Variants in FAS observed in about 807,000 individuals in gnomAD.
FAS encodes the protein Fas cell surface death receptor.
Under a neutral mutation model 33.2 loss-of-function variants are expected in FAS, and 5 were observed. The ratio of observed to expected loss-of-function variants is 0.15; its 90% confidence interval spans 0.08 to 0.32. FAS has a LOEUF of 0.32. Ranked by LOEUF, FAS falls within the 10% of genes least tolerant of loss-of-function variation. The probability of loss-of-function intolerance (pLI) is 1.00; values close to 1 mark genes in which losing one functional copy is unlikely to be tolerated. For synonymous variants in FAS, 131 were observed against 130.7 expected (o/e 1.00, Z -0.01); for missense variants, 339 against 386.0 (o/e 0.88, Z 1.02).
chr10:89,002,446 A>T (rs1847981137), intron 1 of FAS: 1 of 162,572 alleles, frequency 6.2e-6, no homozygotes, highest in Admixed American at 5.8e-5. Context: ...CCCGTAGGGG[A>T]CTCTCTCTCT....
intron 1 of FAS, chr10:88,973,068 A>T: frequency 8.3e-7 from 1 of 1,198,964 alleles, no homozygotes; most frequent in Non-Finnish European, 1.1e-6. Flanking sequence ...CCTTGTAAGT[A>T]CTTAGTCTTT....
At chr10:88,991,199 C>A (rs1047934457) in intron 1 of FAS, 1 of 560,960 alleles carries the variant, frequency 1.8e-6, no homozygotes, top group East Asian at 3.0e-5. Context: ...GAGACCACTG[C>A]GCTCCACGTT....
intron 8 of FAS, among the ~76,000 whole-genome samples, 159 bp downstream of exon 8, chr10:89,013,526 T>C (rs1848634505): frequency 6.6e-6 from 1 of 152,184 alleles, no homozygotes; most frequent in Non-Finnish European, 1.5e-5. Context: ...TATCAGGCAG[T>C]TTGTTTAAAT....
chr10:89,015,294 C>A lies in FAS; in HGVS notation c.*844C>A, dbSNP rs1460780828. The A allele has an allele frequency of 3.7e-6, 2 of 534,764 alleles. No individual in the cohort carries two copies. Among genetic ancestry groups the A allele is most frequent in the South Asian group, 3.1e-5 (2 of 65,166 alleles). The allele number at this position is 534,764 out of a possible 1,614,324, so 33.1% of individuals were successfully genotyped here. A position where few individuals can be genotyped will look rare whatever the true frequency, so the allele number is the denominator to read the frequency against. On this transcript the variant is annotated 3_prime_UTR_variant, in exon 9 of 9. Transcript: ENST00000652046. Reference sequence around the variant, plus strand: ...AAATACTTAATAGTCCACCAAAAGGCAAGACTGCCCTTAGAAATTCTAGCC... The same window carrying A: ...AAATACTTAATAGTCCACCAAAAGGAAAGACTGCCCTTAGAAATTCTAGCC...
chr10:88,979,311 G>T (rs1162934202), intron 2 of FAS, among the ~76,000 whole-genome samples: 3 of 152,214 alleles, frequency 2.0e-5, no homozygotes, highest in African/African-American at 7.2e-5. Context: ...CTGCCGCAGG[G>T]TGCCTTGCCA....
intron 1 of FAS, among the ~76,000 whole-genome samples, chr10:88,970,427 G>A (rs1450881301): frequency 2.6e-5 from 4 of 152,106 alleles, no homozygotes; most frequent in African/African-American, 9.7e-5. Flanking sequence ...CTTCATAGGA[G>A]CTTAGGCCCC....
chr10:88,994,858 G>A (rs1847489887), intron 1 of FAS, among the ~76,000 whole-genome samples: 1 of 149,112 alleles, frequency 6.7e-6, no homozygotes, highest in Non-Finnish European at 1.5e-5. Flanking sequence ...ATTTACTATT[G>A]AAAAAAAGCA....
At chr10:88,988,969 C>T (rs539788863), upstream of FAS, among the ~76,000 whole-genome samples, 6 of 152,126 alleles carry the variant, frequency 3.9e-5, no homozygotes, top group East Asian at 1.9e-4. Flanking sequence ...GATAATTAGA[C>T]GTACGTGGGC....
chr10:88,970,722 G>C (rs1436042813), intron 1 of FAS, among the ~76,000 whole-genome samples: 3 of 152,100 alleles, frequency 2.0e-5, no homozygotes, highest in Non-Finnish European at 4.4e-5. Flanking sequence ...CCTGTTGTGG[G>C]GTGGGGAGAG....
In FAS at chr10:89,014,392, A is replaced by G. The variant is rs200864612; in HGVS notation, c.950A>G (p.Asp317Gly). The part of the protein sequence containing the change: ...AEKIQTIILK[D>G]ITSDSENSNF... Reference sequence around the variant, plus strand: ...AAAATTCAGACTATCATCCTCAAGGACATTACTAGTGACTCAGAAAATTCA... The same window carrying G: ...AAAATTCAGACTATCATCCTCAAGGGCATTACTAGTGACTCAGAAAATTCA... Residue 317 changes from aspartate (D) to glycine (G), a missense_variant, in exon 9 of 9, where the codon GAC becomes GGC. Coordinates refer to ENST00000652046, the MANE Select transcript of FAS (RefSeq NM_000043.6). 2 of 1,613,314 alleles carry G rather than the reference A, an allele frequency of 1.2e-6. No homozygotes were observed. Among genetic ancestry groups the G allele is most frequent in the Admixed American group, 3.3e-5 (2 of 60,028 alleles).
At chr10:88,973,296 C>T (rs776167705) in exon 2 of FAS, 14 of 1,611,382 alleles carry the variant, frequency 8.7e-6, no homozygotes, top group Non-Finnish European at 1.2e-5. Context: ...GTCATCATCA[C>T]CATCTGAACA....
At chr10:88,964,085 G>T (rs1846280515) in intron 1 of FAS, among the ~76,000 whole-genome samples, 1 of 151,332 alleles carries the variant, frequency 6.6e-6, no homozygotes, top group South Asian at 2.1e-4. Context: ...TGTGTATTTT[G>T]TTATATATTT....
chr10:89,010,739 G>A lies in FAS; in HGVS notation c.506-14G>A, dbSNP rs766198534. On this transcript the variant is annotated splice_polypyrimidine_tract_variant and intron_variant, in intron 5 of 8. Transcript: ENST00000652046. The stretch of plus-strand genomic sequence containing the variant: ...CTTATTTTCATATAAAATGTCCAAT[G>A]TTCCAACCTACAGGATCCAGATCTA... 49 of 1,613,830 alleles carry A rather than the reference G, an allele frequency of 3.0e-5. No homozygotes were observed. Among genetic ancestry groups the A allele is most frequent in the Non-Finnish European group, 4.2e-5 (49 of 1,179,942 alleles).
In FAS at chr10:89,015,238, A is replaced by T. The variant is rs1413997538; in HGVS notation, c.*788A>T. ...CCTTGGTGCTCATCTTAATGGCCTA[A>T]TGCACCCCCAAACATGGAAATATCA... On this transcript the variant is annotated 3_prime_UTR_variant, in exon 9 of 9. Transcript: ENST00000652046. The T allele has an allele frequency of 1.9e-6, 1 of 534,706 alleles. No homozygotes were observed. Among genetic ancestry groups the T allele is most frequent in the Non-Finnish European group, 3.6e-6 (1 of 276,704 alleles). The allele number at this position is 534,706 out of a possible 1,614,324, so 33.1% of individuals were successfully genotyped here.
At chr10:88,994,605 GA>G (rs1211429970) in intron 1 of FAS, among the ~76,000 whole-genome samples, 1 of 151,860 alleles carries the variant, frequency 6.6e-6, no homozygotes, top group Non-Finnish European at 1.5e-5. Flanking sequence ...CTAATGTAAA[GA>G]ATTTTGATTT....
At chr10:88,984,179 C>T (rs1234267786), upstream of FAS, among the ~76,000 whole-genome samples, 4 of 152,088 alleles carry the variant, frequency 2.6e-5, no homozygotes, top group Non-Finnish European at 2.9e-5. Flanking sequence ...GTTATAACAT[C>T]GGGAGAATTT....
At chr10:88,983,876 A>C (rs1363718027), upstream of FAS, among the ~76,000 whole-genome samples, 1 of 152,228 alleles carries the variant, frequency 6.6e-6, no homozygotes, top group African/African-American at 2.4e-5. Flanking sequence ...ATGCCTGCTT[A>C]GTGTCTTTCC....
At chr10:89,007,225 CT>C (rs1201748770) in intron 2 of FAS, among the ~76,000 whole-genome samples, 1 of 152,224 alleles carries the variant, frequency 6.6e-6, no homozygotes. Context: ...TTCAAATGTT[CT>C]TTTCCTTATT....
chr10:89,013,567 C>T lies in FAS; in HGVS notation c.676+200C>T, dbSNP rs1003407682. Among the ~76,000 whole-genome samples, 8 of 152,236 alleles carry T rather than the reference C, an allele frequency of 5.3e-5. No homozygotes were observed. The East Asian group carries it at 1.5e-3, about 29-fold the overall frequency. On this transcript the variant is annotated intron_variant, in intron 8 of 8. Transcript: ENST00000652046. ...ATGAATACTCATAGTTAAAAATAATCAAGTAACAATAAGACACAATAGTCT... is the reference window on the plus strand; with the variant it reads ...ATGAATACTCATAGTTAAAAATAATTAAGTAACAATAAGACACAATAGTCT...
Sources: gnomAD v4.1 joint callset for allele counts (sites outside exome capture counted in the v4.1 genomes callset) on GRCh38, gnomAD v4.1.1 for gene constraint, MANE v1.5 for transcripts, NCBI Gene and HGNC (gene_info 2026-07-23, HGNC 2026-07-21) for gene names.